Variants in CLMP observed in about 807,000 individuals in gnomAD.
CLMP encodes CXADR-like membrane protein.
Under a neutral mutation model 45.2 loss-of-function variants are expected in CLMP, and 27 were observed. The ratio of observed to expected loss-of-function variants is 0.60; its 90% confidence interval spans 0.44 to 0.82. CLMP has a LOEUF of 0.82. CLMP is among the 40% of genes least tolerant of loss of function. The pLI, the probability that CLMP is intolerant of heterozygous loss-of-function variation, is 0.00. For synonymous variants in CLMP, 167 were observed against 171.4 expected (o/e 0.97, Z 0.20); for missense variants, 403 against 448.4 (o/e 0.90, Z 0.91).
At chr11:123,126,880 G>C (rs554495204) in intron 1 of CLMP, among the ~76,000 whole-genome samples, 1 of 151,010 alleles carries the variant, frequency 6.6e-6, no homozygotes, top group African/African-American at 2.4e-5. Context: ...CTGGGCGAGA[G>C]TGCGAGACTC....
At chr11:123,131,325 A>G (rs1860985174) in intron 1 of CLMP, among the ~76,000 whole-genome samples, 3 of 152,188 alleles carry the variant, frequency 2.0e-5, no homozygotes, top group African/African-American at 7.2e-5. Flanking sequence ...CACAAAGATT[A>G]GAAAAAAATA....
chr11:123,087,622 A>T (rs1271712809), intron 2 of CLMP, among the ~76,000 whole-genome samples: 1 of 152,020 alleles, frequency 6.6e-6, no homozygotes, highest in African/African-American at 2.4e-5. Flanking sequence ...AGAGATCGAG[A>T]CCATCCTGGC....
At chr11:123,108,812 G>A (rs1193433850) in intron 1 of CLMP, among the ~76,000 whole-genome samples, 1 of 152,186 alleles carries the variant, frequency 6.6e-6, no homozygotes, top group Non-Finnish European at 1.5e-5. Context: ...CCAGCACTTT[G>A]GGAGGCTGAG....
At chr11:123,081,797 G>A (rs1865807062) in intron 5 of CLMP, among the ~76,000 whole-genome samples, 1 of 151,566 alleles carries the variant, frequency 6.6e-6, no homozygotes, top group Admixed American at 6.6e-5. Context: ...GGGAGGCAGA[G>A]GCTGCAGTAA....
chr11:123,128,949 T>C (rs1218361056), intron 1 of CLMP, among the ~76,000 whole-genome samples: 2 of 152,132 alleles, frequency 1.3e-5, no homozygotes, highest in Non-Finnish European at 2.9e-5. Flanking sequence ...GTCAAAGAAA[T>C]TGACTGCAGA....
At chr11:123,122,135 G>C (rs972886032) in intron 1 of CLMP, among the ~76,000 whole-genome samples, 1 of 152,094 alleles carries the variant, frequency 6.6e-6, no homozygotes, top group African/African-American at 2.4e-5. Context: ...TGATTTAGGG[G>C]GCAGGTACTG....
At chr11:123,124,319 G>C (rs906189590) in intron 1 of CLMP, among the ~76,000 whole-genome samples, 10 of 152,020 alleles carry the variant, frequency 6.6e-5, no homozygotes, top group African/African-American at 2.4e-4. Context: ...CACAGCTTAC[G>C]GTTTTCCCAG....
At chr11:123,149,265 T>C (rs1442707684) in intron 1 of CLMP, among the ~76,000 whole-genome samples, 1 of 152,222 alleles carries the variant, frequency 6.6e-6, no homozygotes, top group Non-Finnish European at 1.5e-5. Context: ...ACCACTCTGC[T>C]ATACCTTGAT....
At chr11:123,131,206 C>T (rs1338493837) in intron 1 of CLMP, among the ~76,000 whole-genome samples, 2 of 152,016 alleles carry the variant, frequency 1.3e-5, no homozygotes, top group Admixed American at 1.3e-4. Context: ...TCTTTCCCCC[C>T]AAATAGTATG....
chr11:123,150,480 A>AAAGAAAGAAAGAAAGAAAGAAAGG (rs764502298), intron 1 of CLMP, among the ~76,000 whole-genome samples: 33 of 40,904 alleles, frequency 8.1e-4, no homozygotes, highest in Middle Eastern at 0.012. Flanking sequence ...AGAAAGAAAG[A>AAAGAAAGAAAGAAAGAAAGAAAGG]AAGGAAGGAA....
At chr11:123,102,470 AG>A (rs781394957) in intron 1 of CLMP, among the ~76,000 whole-genome samples, 5 of 151,198 alleles carry the variant, frequency 3.3e-5, no homozygotes, top group Non-Finnish European at 7.4e-5. Flanking sequence ...TAGTAGAGAC[AG>A]GGTTTCACCA....
intron 1 of CLMP, among the ~76,000 whole-genome samples, chr11:123,131,763 G>A (rs1860992587): frequency 6.6e-6 from 1 of 151,858 alleles, no homozygotes; most frequent in South Asian, 2.1e-4. Context: ...TTACAGGTAT[G>A]CGCCACCACG....
intron 1 of CLMP, among the ~76,000 whole-genome samples, chr11:123,161,375 T>C (rs1413431197): frequency 6.6e-6 from 1 of 152,118 alleles, no homozygotes; most frequent in Non-Finnish European, 1.5e-5. Context: ...TTTCTTTAAA[T>C]GCAGAATGGG....
At chr11:123,134,288 T>C (rs1861036537) in intron 1 of CLMP, among the ~76,000 whole-genome samples, 1 of 151,918 alleles carries the variant, frequency 6.6e-6, no homozygotes, top group Non-Finnish European at 1.5e-5. Flanking sequence ...TTTCTCTTAT[T>C]AATCTGTCTT....
intron 1 of CLMP, among the ~76,000 whole-genome samples, chr11:123,122,264 A>G (rs1488568555): frequency 1.3e-5 from 2 of 152,130 alleles, no homozygotes; most frequent in Non-Finnish European, 2.9e-5. Flanking sequence ...GACCCTCTCA[A>G]GCTTTCCTAG....
At chr11:123,113,572 G>C (rs1275246126) in intron 1 of CLMP, among the ~76,000 whole-genome samples, 1 of 152,194 alleles carries the variant, frequency 6.6e-6, no homozygotes, top group Non-Finnish European at 1.5e-5. Flanking sequence ...TAGCAAACCA[G>C]TTGCCAAGCT....
In CLMP at chr11:123,097,791, T is replaced by C; in HGVS notation, c.186+4A>G. The C allele has an allele frequency of 1.3e-6, 2 of 1,584,004 alleles. No homozygotes were observed. Among genetic ancestry groups the C allele is most frequent in the African/African-American group, 1.4e-5 (1 of 73,968 alleles). On this transcript the variant is annotated splice_donor_region_variant and intron_variant, in intron 2 of 6. Transcript: ENST00000448775. Reference sequence around the variant, plus strand: ...GGAGGGACTCCAGCCAGGTGTCTACTTACCACTTTTTGGTTCCCTTCATTA... The same window carrying C: ...GGAGGGACTCCAGCCAGGTGTCTACCTACCACTTTTTGGTTCCCTTCATTA...
At chr11:123,149,649 ATAGG>A (rs1236436378) in intron 1 of CLMP, among the ~76,000 whole-genome samples, 1 of 152,182 alleles carries the variant, frequency 6.6e-6, no homozygotes, top group African/African-American at 2.4e-5. Context: ...TCCTGCCACC[ATAGG>A]GATGGAGTGC....
At chr11:123,187,686 C>CTT (rs201542342) in intron 1 of CLMP, among the ~76,000 whole-genome samples, 1 of 151,644 alleles carries the variant, frequency 6.6e-6, no homozygotes, top group African/African-American at 2.4e-5. Context: ...TTTTTTCTTT[C>CTT]TTTTTTTTAG....
Sources: allele counts gnomAD v4.1 joint callset (sites outside exome capture counted in the v4.1 genomes callset), GRCh38; gene constraint gnomAD v4.1.1; transcripts MANE v1.5; gene names NCBI Gene and HGNC (gene_info 2026-07-23, HGNC 2026-07-21).